GNAT1: variants seen among roughly 807,000 people sequenced by gnomAD.
GNAT1 encodes the protein G protein subunit alpha transducin 1, also known as guanine nucleotide-binding protein G(t) subunit alpha-1.
A neutral mutation model predicts 40.0 loss-of-function variants in GNAT1; 36 were observed. That is an observed-to-expected ratio of 0.90 (90% CI 0.69 to 1.19). GNAT1 has a LOEUF of 1.19. Among genes scored for constraint, GNAT1 ranks in the 50% most tolerant of loss-of-function variants. GNAT1 has a pLI of 0.00. For missense variants in GNAT1, 413 were observed against 480.6 expected, an observed-to-expected ratio of 0.86 and a Z score of 1.32; for synonymous variants, 195 against 192.9, an observed-to-expected ratio of 1.01 and a Z score of -0.09.
In GNAT1 at chr3:50,193,759, C is replaced by G. The variant is rs962399948; in HGVS notation, c.456C>G (p.Leu152=). ...ACGGCCGGGTCTCGCGCAGCTACCT[C>G]TCCGACCTGGAGCGCCTGGTAACCC... ...YQLNDSAGYY[L]SDLERLVTPG... Residue 152 remains leucine (L), a synonymous_variant, in exon 5 of 9, where the codon CTC becomes CTG. Coordinates refer to ENST00000232461, the MANE Select transcript of GNAT1 (RefSeq NM_144499.3). The surrounding 1 kb of genome is among the most constrained non-coding windows in gnomAD (Gnocchi z 8.1). The G allele has an allele frequency of 6.2e-7, 1 of 1,610,970 alleles. No individual in the cohort carries two copies. Among genetic ancestry groups the G allele is most frequent in the African/African-American group, 1.3e-5 (1 of 74,816 alleles).
Position 50,194,491 on chromosome 3 carries a change from C to T in GNAT1, c.709-10C>T. 1.9e-6 allele frequency: 3 copies of T among 1,612,736 alleles called. No individual in the cohort carries two copies. The highest frequency in any genetic ancestry group is 1.7e-6 in the Non-Finnish European group (2 of 1,179,630). The stretch of plus-strand genomic sequence containing the variant: ...TACCCCGGGTGCCCAACAGCTGCTG[C>T]CCTCCTCAGAACCGCATGCACGAGA... On this transcript the variant is annotated splice_polypyrimidine_tract_variant and intron_variant, in intron 6 of 8. Transcript: ENST00000232461. The surrounding 1 kb of genome is among the most constrained non-coding windows in gnomAD (Gnocchi z 6.1).
At chr3:50,195,016 C>A in intron 8 of GNAT1, 60 bp downstream of exon 8, 1 of 1,221,468 alleles carries the variant, frequency 8.2e-7, no homozygotes. Context: ...CAGCTCCCCA[C>A]CCCACACCAC....
At chr3:50,192,426 A>T (rs1575416323) in intron 1 of GNAT1, among the ~76,000 whole-genome samples, 2 of 152,204 alleles carry the variant, frequency 1.3e-5, no homozygotes, top group Admixed American at 1.3e-4. Context: ...CACTGAGGAG[A>T]GATGGGGCTG....
rs751005737 is a variant in GNAT1 at position 50,193,846 on chromosome 3, C to G, written c.543C>G (p.Ile181Met). ...LRSRVKTTGI[I>M]ETQFSFKDLN... is the part of the protein sequence containing the mutation. ...CGCGAGTCAAGACCACTGGCATCAT[C>G]GAGACGCAGTTCTCCTTCAAGGATC... Residue 181 changes from isoleucine to methionine, a missense_variant, in exon 5 of 9, where the codon ATC becomes ATG. Ile to Met is a conservative substitution (Grantham distance 10). Coordinates refer to ENST00000232461, the MANE Select transcript of GNAT1 (RefSeq NM_144499.3). This position sits in a 1 kb window ranked among gnomAD's most constrained non-coding sequence, Gnocchi z 8.1. 166 of 1,613,150 alleles carry G rather than the reference C, an allele frequency of 1.0e-4. No homozygotes were observed. The highest frequency in any genetic ancestry group is 1.3e-4 in the Non-Finnish European group (151 of 1,179,944).
rs1241953207 is a variant in GNAT1, at chr3:50,194,789, G to A, written c.887G>A (p.Gly296Asp). 5.0e-6 allele frequency: 8 copies of A among 1,613,672 alleles called. No homozygotes were observed. The highest frequency in any genetic ancestry group is 6.8e-6 in the Non-Finnish European group (8 of 1,179,998). ...YDGPNTYEDA[G>D]NYIKVQFLEL... is the part of the protein sequence containing the mutation. ...GGACCCAACACCTACGAGGACGCCG[G>A]CAACTACATCAAGGTGCAGTTCCTC... is the stretch of plus-strand genomic sequence containing the variant. Residue 296 changes from glycine (G) to aspartate (D), a missense_variant, in exon 8 of 9, where the codon GGC becomes GAC. By Grantham distance (94) the Gly-to-Asp change is moderately conservative. Transcript: ENST00000232461. This position sits in a 1 kb window ranked among gnomAD's most constrained non-coding sequence, Gnocchi z 6.1.
chr3:50,194,883 C>G lies in GNAT1; in HGVS notation c.981C>G (p.Asn327Lys). The G allele has an allele frequency of 1.2e-6, 2 of 1,613,970 alleles. No individual in the cohort carries two copies. ...SHMTCATDTQ[N>K]VKFVFDAVTD... ...TGACGTGCGCCACCGACACGCAGAACGTCAAATTTGTCTTCGACGCTGTCA... is the reference window on the plus strand; with the variant it reads ...TGACGTGCGCCACCGACACGCAGAAGGTCAAATTTGTCTTCGACGCTGTCA... Residue 327 changes from asparagine (N) to lysine (K), a missense_variant, in exon 8 of 9, where the codon AAC becomes AAG. Asn to Lys is a moderately conservative substitution (Grantham distance 94). Transcript: ENST00000232461. This position sits in a 1 kb window ranked among gnomAD's most constrained non-coding sequence, Gnocchi z 6.1.
Position 50,193,674 on chromosome 3 carries a change from G to A in GNAT1, c.449+11G>A. ...CGACTCGGCGGGCTAGTGAGCGCGC[G>A]GGCAGCGCGGGGCGCGGGGCGCGGG... On this transcript the variant is annotated intron_variant, in intron 4 of 8. Coordinates refer to ENST00000232461, the MANE Select transcript of GNAT1 (RefSeq NM_144499.3). This position sits in a 1 kb window ranked among gnomAD's most constrained non-coding sequence, Gnocchi z 8.1. The A allele has an allele frequency of 2.5e-6, 4 of 1,609,222 alleles. 1 individual carries two copies. The highest frequency in any genetic ancestry group is 2.2e-5 in the South Asian group (2 of 90,960).
At chr3:50,192,447 G>A (rs1191132278) in intron 1 of GNAT1, among the ~76,000 whole-genome samples, 2 of 152,236 alleles carry the variant, frequency 1.3e-5, no homozygotes, top group African/African-American at 2.4e-5. Context: ...ATCCAGGCCT[G>A]CCTCAAGGTC....
In GNAT1 at chr3:50,194,562, C is replaced by T. The variant is rs79816946; in HGVS notation, c.770C>T (p.Thr257Met). The part of the protein sequence containing the change: ...NSICNHRYFA[T>M]TSIVLFLNKK... ...ATCTGCAACCACCGCTACTTCGCCACGACGTCCATCGTGCTCTTCCTTAAC... is the reference window on the plus strand; with the variant it reads ...ATCTGCAACCACCGCTACTTCGCCATGACGTCCATCGTGCTCTTCCTTAAC... Residue 257 changes from threonine (T) to methionine (M), a missense_variant, in exon 7 of 9, where the codon ACG (threonine) becomes ATG (methionine). By Grantham distance (81) the Thr-to-Met change is moderately conservative. Transcript: ENST00000232461. The surrounding 1 kb of genome is among the most constrained non-coding windows in gnomAD (Gnocchi z 6.1). The T allele has an allele frequency of 6.2e-7, 1 of 1,613,574 alleles. No homozygotes were observed. The highest frequency in any genetic ancestry group is 1.1e-5 in the South Asian group (1 of 91,082).
chr3:50,192,697 T>C lies in GNAT1; in HGVS notation c.107-436T>C, dbSNP rs941508157. ...CAAAAGAGCTAATTCCCTCTGAGCC[T>C]CCTGGAGACACCTGCACCCCTTCAG... On this transcript the variant is annotated intron_variant, in intron 1 of 8. Coordinates refer to ENST00000232461, the MANE Select transcript of GNAT1 (RefSeq NM_144499.3). 3 of 319,540 alleles carry C rather than the reference T, an allele frequency of 9.4e-6. No homozygotes were observed. In the East Asian group the frequency reaches 2.5e-4, roughly 27 times the overall value. 19.8% of individuals were successfully genotyped at this position (319,540 alleles called of 1,614,324 possible).
chr3:50,192,499 G>A (rs886424114), intron 1 of GNAT1, among the ~76,000 whole-genome samples: 2 of 152,216 alleles, frequency 1.3e-5, no homozygotes, highest in African/African-American at 4.8e-5. Flanking sequence ...TTCAAGAGGG[G>A]CTCCACCCAA....
rs374784713 is a variant in GNAT1 at position 50,193,508 on chromosome 3, C to T, written c.294C>T (p.Asp98=). Reference sequence around the variant, plus strand: ...AGCCACTCTCACCCTGCCCCCAGGACGACGCCCGGAAGCTGATGCACATGG... The same window carrying T: ...AGCCACTCTCACCCTGCCCCCAGGATGACGCCCGGAAGCTGATGCACATGG... ...NIQYGDSARQ[D]DARKLMHMAD... Residue 98 remains aspartate (D), a splice_region_variant and synonymous_variant, in exon 4 of 9, where the codon GAC becomes GAT. Transcript: ENST00000232461. This position sits in a 1 kb window ranked among gnomAD's most constrained non-coding sequence, Gnocchi z 8.1. 6.1e-5 allele frequency: 98 copies of T among 1,613,148 alleles called. No individual in the cohort carries two copies. In the East Asian group the frequency reaches 1.5e-3, roughly 25 times the overall value.
chr3:50,192,366 G>A (rs1352821334), intron 1 of GNAT1, among the ~76,000 whole-genome samples: 1 of 152,152 alleles, frequency 6.6e-6, no homozygotes, highest in Non-Finnish European at 1.5e-5. Flanking sequence ...GGGCTGGCGG[G>A]TACTGAGGCC....
Position 50,194,725 on chromosome 3 carries a change from A to G in GNAT1, c.863-40A>G. On this transcript the variant is annotated intron_variant, in intron 7 of 8. Transcript: ENST00000232461. The surrounding 1 kb of genome is among the most constrained non-coding windows in gnomAD (Gnocchi z 6.1). ...CGCGGCGCGCACCCCCCGCACGGGG[A>G]AGGAAGGGCTGAGCAGAGTGAGAGC... The G allele has an allele frequency of 6.2e-7, 1 of 1,610,752 alleles. No homozygotes were observed.
Position 50,195,422 on chromosome 3 carries a change from A to C in GNAT1, c.*156A>C. ...GAGCCCTGCTAGCCTTGAGGCGCGG[A>C]CCCTCCCCCATACCTCCCACAGTAT... On this transcript the variant is annotated 3_prime_UTR_variant, in exon 9 of 9. Transcript: ENST00000232461. 4.5e-6 allele frequency: 1 copy of C among 220,560 alleles called. No individual in the cohort carries two copies. Among genetic ancestry groups the C allele is most frequent in the South Asian group, 6.4e-5 (1 of 15,570 alleles). The allele number at this position is 220,560 out of a possible 1,614,324, so 13.7% of individuals were successfully genotyped here.
rs1699462126 is a variant in GNAT1 at position 50,193,953 on chromosome 3, G to T, written c.578+72G>T. On this transcript the variant is annotated intron_variant, in intron 5 of 8. Transcript: ENST00000232461. This position sits in a 1 kb window ranked among gnomAD's most constrained non-coding sequence, Gnocchi z 8.1. ...CCTGCCCCGGGGACCCCATCCCTGC[G>T]ATAGACCCTGCCCCTTCCCTGATAC... 2.5e-6 allele frequency: 4 copies of T among 1,603,162 alleles called. No homozygotes were observed. The highest frequency in any genetic ancestry group is 1.3e-5 in the African/African-American group (1 of 74,844).
At chr3:50,192,162 G>T (rs915029418) in intron 1 of GNAT1, among the ~76,000 whole-genome samples, 5 of 152,228 alleles carry the variant, frequency 3.3e-5, no homozygotes. Context: ...TGCAGCCTTT[G>T]GTTTGATACG....
rs1242103172 is a variant in GNAT1 at position 50,193,293 on chromosome 3, G to A, written c.178G>A (p.Glu60Lys). The part of the protein sequence containing the change: ...KIIHQDGYSL[E>K]ECLEFIAIIY... Reference sequence around the variant, plus strand: ...TATCCACCAGGACGGGTACTCGCTGGAAGAGTGCCTCGAGTTTATCGCCAT... The same window carrying A: ...TATCCACCAGGACGGGTACTCGCTGAAAGAGTGCCTCGAGTTTATCGCCAT... The change falls in exon 3 of 9, where the codon GAA becomes AAA. Residue 60 changes from glutamate to lysine, a missense_variant. Glu to Lys is a moderately conservative substitution (Grantham distance 56). Transcript: ENST00000232461. The surrounding 1 kb of genome is among the most constrained non-coding windows in gnomAD (Gnocchi z 8.1). 6.2e-6 allele frequency: 10 copies of A among 1,614,054 alleles called. No individual in the cohort carries two copies. The highest frequency in any genetic ancestry group is 8.5e-6 in the Non-Finnish European group (10 of 1,180,004).
In GNAT1 at chr3:50,193,349, G is replaced by T; in HGVS notation, c.234G>T (p.Leu78=). 1 of 1,614,120 alleles carries T rather than the reference G, an allele frequency of 6.2e-7. No individual in the cohort carries two copies. Among genetic ancestry groups the T allele is most frequent in the Non-Finnish European group, 8.5e-7 (1 of 1,179,992 alleles). Residue 78 remains leucine (L), a synonymous_variant, in exon 3 of 9, where the codon CTG becomes CTT. Coordinates refer to ENST00000232461, the MANE Select transcript of GNAT1 (RefSeq NM_144499.3). This position sits in a 1 kb window ranked among gnomAD's most constrained non-coding sequence, Gnocchi z 8.1. ...IIYGNTLQSI[L]AIVRAMTTLN... is the part of the protein sequence containing the mutation. The stretch of plus-strand genomic sequence containing the variant: ...ACGGCAACACGTTGCAGTCCATCCT[G>T]GCCATCGTACGCGCCATGACCACAC...
Sources: allele counts gnomAD v4.1 joint callset (sites outside exome capture counted in the v4.1 genomes callset), GRCh38; gene constraint gnomAD v4.1.1; non-coding constraint Gnocchi (gnomAD v3.1); transcripts MANE v1.5; gene names NCBI Gene and HGNC (gene_info 2026-07-23, HGNC 2026-07-21).